Variants in SPECC1L observed in about 807,000 individuals in gnomAD.
The protein encoded by SPECC1L is sperm antigen with calponin homology and coiled-coil domains 1 like, also known as cytospin-A.
SPECC1L carries 40 observed loss-of-function variants against 116.8 expected under a neutral mutation model. The observed-to-expected ratio is 0.34, with a 90% confidence interval of 0.27 to 0.45. The LOEUF is 0.45. Ranked by LOEUF, SPECC1L falls within the 20% of genes least tolerant of loss-of-function variation. The pLI, the probability that SPECC1L is intolerant of heterozygous loss-of-function variation, is 1.00. For missense variants in SPECC1L, 1,110 were observed against 1,373.6 expected (o/e 0.81, Z 3.03); for synonymous variants, 504 against 500.6 (o/e 1.01, Z -0.09).
In SPECC1L at chr22:24,371,798, G is replaced by A. The variant is rs193267293; in HGVS notation, c.3087+2478G>A. ...CTGCAGTGGTGCGACCTTGGTTCACGGCAGGCTCCGGCTCCCGGGCTCAAG... is the reference window on the plus strand; with the variant it reads ...CTGCAGTGGTGCGACCTTGGTTCACAGCAGGCTCCGGCTCCCGGGCTCAAG... On this transcript the variant is annotated intron_variant, in intron 14 of 16. Transcript: ENST00000314328. 7.2e-5 allele frequency among the ~76,000 whole-genome samples: 11 copies of A among 152,278 alleles called. No individual in the cohort carries two copies. The East Asian group carries it at 1.7e-3, about 24-fold the overall frequency.
At chr22:24,391,027 C>T (rs141749333) in intron 14 of SPECC1L, among the ~76,000 whole-genome samples, 6,313 of 151,726 alleles carry the variant, frequency 0.042, 441 homozygotes, top group African/African-American at 0.14. Context: ...AGGCGCATGC[C>T]AGCAAACCCA....
chr22:24,288,402 G>C (rs930397899), intron 2 of SPECC1L, among the ~76,000 whole-genome samples: 6 of 151,792 alleles, frequency 4.0e-5, no homozygotes, highest in Non-Finnish European at 7.4e-5. Flanking sequence ...ATCCCCTAGG[G>C]TACAAAATTG....
At chr22:24,386,615 T>C (rs1402772016) in intron 14 of SPECC1L, among the ~76,000 whole-genome samples, 1 of 151,792 alleles carries the variant, frequency 6.6e-6, no homozygotes, top group Non-Finnish European at 1.5e-5. Context: ...ATTATTATTA[T>C]TATTTTGAGA....
intron 12 of SPECC1L, among the ~76,000 whole-genome samples, chr22:24,364,877 A>G (rs975774850): frequency 5.9e-5 from 9 of 152,176 alleles, no homozygotes; most frequent in African/African-American, 2.2e-4. Flanking sequence ...ACAGATGTTT[A>G]TGTAGTACTC....
At chr22:24,390,678 A>T (rs1294113665) in intron 14 of SPECC1L, among the ~76,000 whole-genome samples, 1 of 152,006 alleles carries the variant, frequency 6.6e-6, no homozygotes, top group Non-Finnish European at 1.5e-5. Context: ...GTGTCTACTC[A>T]TAAGTTCTCC....
intron 11 of SPECC1L, among the ~76,000 whole-genome samples, chr22:24,358,791 C>A (rs1372233642): frequency 6.6e-6 from 1 of 152,154 alleles, no homozygotes; most frequent in African/African-American, 2.4e-5. Context: ...ATTTTAAAAT[C>A]TATTTACCTA....
rs925351036 is a variant in SPECC1L at position 24,402,858 on chromosome 22, T to C, written c.3088-8730T>C. On this transcript the variant is annotated intron_variant, in intron 14 of 16. Transcript: ENST00000314328. ...GGCCCTTAATTAAACTTCAAACAAA[T>C]TAAAACATTTAGAGATCTTTTATGA... Among the ~76,000 whole-genome samples the C allele has an allele frequency of 3.3e-5, 5 of 152,226 alleles. No homozygotes were observed. The South Asian group carries it at 8.3e-4, about 25-fold the overall frequency.
chr22:24,313,742 C>CT (rs1350275306), intron 4 of SPECC1L, among the ~76,000 whole-genome samples: 10,328 of 129,924 alleles, frequency 0.079, 600 homozygotes, highest in South Asian at 0.14. Context: ...GAGAAGGATT[C>CT]TTTTTTTTTT....
chr22:24,406,731 C>T lies in SPECC1L; in HGVS notation c.3088-4857C>T, dbSNP rs545594486. ...TTTCATGTGTTTCCTCTCCAAGATA[C>T]TGATCCCGTCATAATATTAACGGGC... On this transcript the variant is annotated intron_variant, in intron 14 of 16. Coordinates refer to ENST00000314328, the MANE Select transcript of SPECC1L (RefSeq NM_015330.6). 2.6e-5 allele frequency among the ~76,000 whole-genome samples: 4 copies of T among 152,336 alleles called. No individual in the cohort carries two copies. The East Asian group carries it at 7.7e-4, about 29-fold the overall frequency.
chr22:24,349,934 C>G (rs1176015378), intron 11 of SPECC1L, among the ~76,000 whole-genome samples: 1 of 152,162 alleles, frequency 6.6e-6, no homozygotes, highest in Non-Finnish European at 1.5e-5. Flanking sequence ...CCCTCTACAT[C>G]TCCCCATTTC....
intron 4 of SPECC1L, among the ~76,000 whole-genome samples, chr22:24,316,774 A>C (rs1339033071): frequency 1.3e-5 from 2 of 148,422 alleles, no homozygotes; most frequent in African/African-American, 5.1e-5. Context: ...ATCATGGCCC[A>C]TTCTCAATGA....
chr22:24,276,295 G>C (rs546162830), intron 1 of SPECC1L, among the ~76,000 whole-genome samples: 1 of 152,190 alleles, frequency 6.6e-6, no homozygotes, highest in Non-Finnish European at 1.5e-5. Flanking sequence ...CGCCAGGTGT[G>C]GTGGTGCGCA....
At chr22:24,353,982 C>T (rs2041477018) in intron 11 of SPECC1L, among the ~76,000 whole-genome samples, 1 of 152,154 alleles carries the variant, frequency 6.6e-6, no homozygotes, top group Non-Finnish European at 1.5e-5. Context: ...AGGCATGGTG[C>T]CAGCATCCGC....
At chr22:24,369,978 T>A (rs142759088) in intron 14 of SPECC1L, among the ~76,000 whole-genome samples, 187 of 152,370 alleles carry the variant, frequency 1.2e-3, no homozygotes, top group African/African-American at 4.4e-3. Context: ...CTCCCCAGCT[T>A]GCAGCTGGTA....
At chr22:24,367,406 T>C (rs2041791561) in intron 13 of SPECC1L, among the ~76,000 whole-genome samples, 1 of 152,110 alleles carries the variant, frequency 6.6e-6, no homozygotes, top group Non-Finnish European at 1.5e-5. Context: ...TTGTAAACTT[T>C]CTTAAAATAT....
chr22:24,390,872 CTTTTTTTTTTTTT>C (rs1016008966), intron 14 of SPECC1L, among the ~76,000 whole-genome samples: 6 of 57,112 alleles, frequency 1.1e-4, no homozygotes, highest in Non-Finnish European at 1.2e-4. Context: ...TTTTTCTTTT[CTTTTTTTTTTTTT>C]TTTTTTTTTT....
chr22:24,296,953 T>TG (rs2049277357), intron 2 of SPECC1L, among the ~76,000 whole-genome samples: 1 of 151,572 alleles, frequency 6.6e-6, no homozygotes, highest in Non-Finnish European at 1.5e-5. Context: ...ATATCTTTTT[T>TG]TTTTTTTTCT....
At chr22:24,351,432 A>G (rs983794927) in intron 11 of SPECC1L, among the ~76,000 whole-genome samples, 1 of 152,228 alleles carries the variant, frequency 6.6e-6, no homozygotes, top group Non-Finnish European at 1.5e-5. Flanking sequence ...TTAAGATTCT[A>G]TTCCTGGCTC....
chr22:24,411,845 A>T, intron 15 of SPECC1L, 141 bp downstream of exon 15: 1 of 754,380 alleles, frequency 1.3e-6, no homozygotes, highest in Non-Finnish European at 2.4e-6. Flanking sequence ...TTCTGGGATC[A>T]GGTCATTCAT....
Sources: allele counts gnomAD v4.1 joint callset (sites outside exome capture counted in the v4.1 genomes callset), GRCh38; gene constraint gnomAD v4.1.1; transcripts MANE v1.5; gene names NCBI Gene and HGNC (gene_info 2026-07-23, HGNC 2026-07-21).